The following PRR16 variants were observed in gnomAD, a reference collection of about 807,000 sequenced individuals.
PRR16 encodes proline rich 16, also known as protein Largen.
In PRR16, 6 loss-of-function variants were observed where a neutral mutation model predicts 18.2. The ratio of observed to expected loss-of-function variants is 0.33; its 90% CI spans 0.18 to 0.65. The LOEUF (loss-of-function observed/expected upper bound fraction) is 0.65. Among genes scored for constraint, PRR16 ranks in the 30% least tolerant of loss-of-function variants. The probability of loss-of-function intolerance (pLI) is 0.74; values close to 1 mark genes in which losing one functional copy is unlikely to be tolerated. For missense variants in PRR16, 412 were observed against 376.6 expected, an observed-to-expected ratio of 1.09 and a Z score of -0.78; for synonymous variants, 151 against 147.8, an observed-to-expected ratio of 1.02 and a Z score of -0.16.
At chr5:120,631,363 C>A (rs2112839860) in intron 1 of PRR16, among the ~76,000 whole-genome samples, 1 of 152,194 alleles carries the variant, frequency 6.6e-6, no homozygotes, top group Admixed American at 6.5e-5. Context: ...ACTGGATCAC[C>A]ACTGCAGGCT....
At chr5:120,632,345 C>T (rs892541175) in intron 1 of PRR16, among the ~76,000 whole-genome samples, 10 of 151,956 alleles carry the variant, frequency 6.6e-5, no homozygotes, top group African/African-American at 1.9e-4. Context: ...AATTTTGTAC[C>T]AGCTCACCAG....
chr5:120,628,835 A>G (rs1045140607), intron 1 of PRR16, among the ~76,000 whole-genome samples: 8 of 152,038 alleles, frequency 5.3e-5, no homozygotes, highest in African/African-American at 1.9e-4. Context: ...AATTTGTTTG[A>G]AATAAACACA....
intron 1 of PRR16, among the ~76,000 whole-genome samples, chr5:120,561,395 T>C (rs1752570041): frequency 6.6e-6 from 1 of 152,166 alleles, no homozygotes; most frequent in African/African-American, 2.4e-5. Flanking sequence ...ATGAGTGTAT[T>C]GTTTAATTTC....
At chr5:120,739,171 CAA>C in the PRR16 span, among the ~76,000 whole-genome samples, 1 of 151,976 alleles carries the variant, frequency 6.6e-6, no homozygotes, top group Non-Finnish European at 1.5e-5. Context: ...GCTGAAAAAC[CAA>C]AGTTTCTGTG....
At chr5:120,483,539 A>G (rs1355003273) in intron 1 of PRR16, among the ~76,000 whole-genome samples, 2 of 152,128 alleles carry the variant, frequency 1.3e-5, no homozygotes, top group Non-Finnish European at 2.9e-5. Flanking sequence ...TGGGCTAAAG[A>G]TTCTGATTTT....
chr5:120,574,464 C>G (rs1753010402), intron 1 of PRR16, among the ~76,000 whole-genome samples: 1 of 151,838 alleles, frequency 6.6e-6, no homozygotes, highest in South Asian at 2.1e-4. Flanking sequence ...ATTAGCCAGG[C>G]ATGGTGGCAT....
intron 1 of PRR16, among the ~76,000 whole-genome samples, chr5:120,489,403 G>A (rs1040582050): frequency 1.4e-4 from 21 of 152,142 alleles, no homozygotes; most frequent in Admixed American, 1.4e-3. Flanking sequence ...TTACCATTAT[G>A]TAATGGCCTT....
the PRR16 span, among the ~76,000 whole-genome samples, chr5:120,757,381 C>T: frequency 7.2e-5 from 11 of 151,852 alleles, no homozygotes; most frequent in African/African-American, 1.7e-4. Context: ...ACAGTAATCG[C>T]GTTGACTCTG....
chr5:120,510,015 G>T (rs143254936), intron 1 of PRR16, among the ~76,000 whole-genome samples: 442 of 152,210 alleles, frequency 2.9e-3, no homozygotes, highest in Non-Finnish European at 5.0e-3. Flanking sequence ...CATAAGTGAG[G>T]CTTTTACTAG....
chr5:120,740,867 T>G, the PRR16 span, among the ~76,000 whole-genome samples: 1 of 152,140 alleles, frequency 6.6e-6, no homozygotes, highest in Non-Finnish European at 1.5e-5. Flanking sequence ...AAATGTTATT[T>G]TTATTGTATG....
intron 1 of PRR16, among the ~76,000 whole-genome samples, chr5:120,477,684 G>C (rs1040614685): frequency 6.6e-6 from 1 of 152,108 alleles, no homozygotes; most frequent in Admixed American, 6.5e-5. Flanking sequence ...TTTACTCAAA[G>C]TCAGAGCACT....
intron 1 of PRR16, among the ~76,000 whole-genome samples, chr5:120,671,681 A>G (rs1756611138): frequency 6.6e-6 from 1 of 152,162 alleles, no homozygotes; most frequent in African/African-American, 2.4e-5. Flanking sequence ...TCAAAATGTC[A>G]TTTTAATGTA....
At chr5:120,697,906 T>C in the PRR16 span, among the ~76,000 whole-genome samples, 1 of 152,148 alleles carries the variant, frequency 6.6e-6, no homozygotes, top group Non-Finnish European at 1.5e-5. Flanking sequence ...TGTGGTGGAA[T>C]GTCATCAGTT....
chr5:120,741,028 G>A, the PRR16 span, among the ~76,000 whole-genome samples: 2 of 151,452 alleles, frequency 1.3e-5, no homozygotes, highest in Non-Finnish European at 2.9e-5. Flanking sequence ...GCATTATTGT[G>A]TAGTATTTTA....
intron 1 of PRR16, among the ~76,000 whole-genome samples, chr5:120,538,467 A>G (rs1751800316): frequency 6.6e-6 from 1 of 152,218 alleles, no homozygotes; most frequent in African/African-American, 2.4e-5. Context: ...GTTAAAATAC[A>G]TGTAATTCAA....
chr5:120,674,234 A>G (rs1046574762), intron 1 of PRR16, among the ~76,000 whole-genome samples: 2 of 152,092 alleles, frequency 1.3e-5, no homozygotes, highest in East Asian at 1.9e-4. Context: ...GCCGCTGTAT[A>G]TGCTGTTGTC....
At chr5:120,538,037 A>G (rs1039677390) in intron 1 of PRR16, among the ~76,000 whole-genome samples, 6 of 151,982 alleles carry the variant, frequency 3.9e-5, no homozygotes, top group Non-Finnish European at 7.4e-5. Flanking sequence ...CGGCCTCCCA[A>G]AGTGCTGGGA....
At chr5:120,486,628 T>G (rs972006841) in intron 1 of PRR16, among the ~76,000 whole-genome samples, 2 of 152,218 alleles carry the variant, frequency 1.3e-5, no homozygotes, top group African/African-American at 4.8e-5. Context: ...TTTCTTTTGC[T>G]GTGCAGAAGC....
chr5:120,717,623 G>A, the PRR16 span, among the ~76,000 whole-genome samples: 29 of 152,078 alleles, frequency 1.9e-4, no homozygotes, highest in Admixed American at 1.6e-3. Context: ...TAATAATCTA[G>A]AAAGATGATG....
Sources: allele counts gnomAD v4.1 joint callset (sites outside exome capture counted in the v4.1 genomes callset), GRCh38; gene constraint gnomAD v4.1.1; transcripts MANE v1.5; gene names NCBI Gene and HGNC (gene_info 2026-07-23, HGNC 2026-07-21).